Variants in OR11G2 observed in about 807,000 individuals in gnomAD.
OR11G2 encodes olfactory receptor 11G2.
OR11G2 carries 2 observed loss-of-function variants against 0.9 expected under a neutral mutation model. The observed-to-expected ratio is 2.35, with a 90% CI of 0.96 to 7.38. OR11G2 has a LOEUF of 7.38. Among genes scored for constraint, OR11G2 ranks in the 30% most tolerant of loss-of-function variants. The probability of loss-of-function intolerance (pLI) is 0.05; values close to 1 mark genes in which losing one functional copy is unlikely to be tolerated. For synonymous variants in OR11G2, 153 were observed against 142.0 expected (o/e 1.08, Z -0.55); for missense variants, 395 against 371.3 (o/e 1.06, Z -0.52).
rs776200418 is a variant in OR11G2, at chr14:20,197,622, C to T, written c.185C>T (p.Pro62Leu). 19 of 1,614,156 alleles carry T rather than the reference C, an allele frequency of 1.2e-5. No individual in the cohort carries two copies. The East Asian group carries it at 4.0e-4, about 34-fold the overall frequency. The change falls in exon 2 of 2, where the codon CCC becomes CTC. Residue 62 changes from proline to leucine, a missense_variant. Transcript: ENST00000641879. ...AVHWDQRLHA[P>L]MYILLANFSF... The stretch of plus-strand genomic sequence containing the variant: ...CACTGGGATCAGAGACTCCACGCCC[C>T]CATGTACATCCTGCTCGCCAACTTC...
rs1176713070 is a variant in OR11G2 at position 20,197,464 on chromosome 14, C to T, written c.27C>T (p.Asn9=). Residue 9 remains asparagine (N), a synonymous_variant, in exon 2 of 2, where the codon AAC becomes AAT. Coordinates refer to ENST00000641879, the MANE Select transcript of OR11G2 (RefSeq NM_001386033.1). ...TGAAAATCTTCAACAGCCCCAGCAACTCCAGCACCTTCACTGGCTTCATCC... is the reference window on the plus strand; with the variant it reads ...TGAAAATCTTCAACAGCCCCAGCAATTCCAGCACCTTCACTGGCTTCATCC... The part of the protein sequence containing the change: MKIFNSPS[N]SSTFTGFILL... The T allele has an allele frequency of 3.7e-6, 6 of 1,613,902 alleles. No individual in the cohort carries two copies. The Admixed American group carries it at 1.0e-4, about 27-fold the overall frequency.
Position 20,199,669 on chromosome 14 carries a change from T to G in OR11G2, c.*1296T>G, listed in dbSNP as rs1442140100. 6.6e-6 allele frequency: 1 copy of G among 152,250 alleles called. No homozygotes were observed. The highest frequency in any genetic ancestry group is 1.5e-5 in the Non-Finnish European group (1 of 68,054). The allele number at this position is 152,250 out of a possible 1,614,324, so 9.4% of individuals were successfully genotyped here. A position where few individuals can be genotyped will look rare whatever the true frequency, so the allele number is the denominator to read the frequency against. On this transcript the variant is annotated 3_prime_UTR_variant, in exon 2 of 2. Coordinates refer to ENST00000641879, the MANE Select transcript of OR11G2 (RefSeq NM_001386033.1). The stretch of plus-strand genomic sequence containing the variant: ...TTTTCAGTCATGACCAGAAAGTTTT[T>G]TCTATTCTATCTAGATTCCATACAT...
rs899238522 is a variant in OR11G2 at position 20,199,884 on chromosome 14, T to C, written c.*1511T>C. The C allele has an allele frequency of 6.6e-6, 1 of 151,852 alleles. No homozygotes were observed. Among genetic ancestry groups the C allele is most frequent in the Admixed American group, 6.6e-5 (1 of 15,256 alleles). 9.4% of individuals were successfully genotyped at this position (151,852 alleles called of 1,614,324 possible). A position where few individuals can be genotyped will look rare whatever the true frequency, so the allele number is the denominator to read the frequency against. On this transcript the variant is annotated 3_prime_UTR_variant, in exon 2 of 2. Transcript: ENST00000641879. ...TCCCCTGCAGGAAGCAGGGGAAAGG[T>C]TACCTATGGTAAAATAAATGATAAA...
chr14:20,197,472 C>G lies in OR11G2; in HGVS notation c.35C>G (p.Thr12Ser). The change falls in exon 2 of 2, where the codon ACC becomes AGC. Residue 12 changes from threonine (T) to serine (S), a missense_variant. Physicochemically the swap from Thr to Ser is moderately conservative, Grantham distance 58. Transcript: ENST00000641879. The part of the protein sequence containing the change: ...KIFNSPSNSS[T>S]FTGFILLGFP... ...TTCAACAGCCCCAGCAACTCCAGCA[C>G]CTTCACTGGCTTCATCCTCCTGGGC... 1 of 1,614,046 alleles carries G rather than the reference C, an allele frequency of 6.2e-7. No individual in the cohort carries two copies. The highest frequency in any genetic ancestry group is 1.7e-5 in the Admixed American group (1 of 60,026).
chr14:20,194,812 C>T (rs1427006957), intron 1 of OR11G2, among the ~76,000 whole-genome samples: 1 of 152,060 alleles, frequency 6.6e-6, no homozygotes, highest in Non-Finnish European at 1.5e-5. Context: ...GCTAAGGTAA[C>T]TTTTAAAACA....
In OR11G2 at chr14:20,200,174, A is replaced by T. The variant is rs975534565; in HGVS notation, c.*1801A>T. ...TTAATTCCAAAAAAAAAAAAAAAAA[A>T]AGTTCCTATCCACCACCCTTTTAAC... On this transcript the variant is annotated 3_prime_UTR_variant, in exon 2 of 2. Transcript: ENST00000641879. 11 of 151,422 alleles carry T rather than the reference A, an allele frequency of 7.3e-5. No individual in the cohort carries two copies. The highest frequency in any genetic ancestry group is 2.7e-4 in the African/African-American group (11 of 41,238). 9.4% of individuals were successfully genotyped at this position (151,422 alleles called of 1,614,324 possible). A position where few individuals can be genotyped will look rare whatever the true frequency, so the allele number is the denominator to read the frequency against.
rs1355765057 is a variant in OR11G2 at position 20,198,911 on chromosome 14, T to C, written c.*538T>C. The stretch of plus-strand genomic sequence containing the variant: ...CTGGTGGGCATTGTATTTTAAAAAC[T>C]ATAAAGACAATATATGCAGTAATGA... On this transcript the variant is annotated 3_prime_UTR_variant, in exon 2 of 2. Transcript: ENST00000641879. 6.6e-6 allele frequency: 1 copy of C among 152,478 alleles called. No homozygotes were observed. The highest frequency in any genetic ancestry group is 2.4e-5 in the African/African-American group (1 of 41,458). The allele number at this position is 152,478 out of a possible 1,614,324, so 9.4% of individuals were successfully genotyped here. A position where few individuals can be genotyped will look rare whatever the true frequency, so the allele number is the denominator to read the frequency against.
chr14:20,197,395 C>T, intron 1 of OR11G2, 39 bp from the exon 2 acceptor site: 1 of 1,609,984 alleles, frequency 6.2e-7, no homozygotes, highest in African/African-American at 1.3e-5. Context: ...TATGTTTGCA[C>T]CGTCATTCAG....
rs2139112918 is a variant in OR11G2, at chr14:20,197,563, C to A, written c.126C>A (p.Thr42=). Residue 42 remains threonine (T), a synonymous_variant, in exon 2 of 2, where the codon ACC becomes ACA. Transcript: ENST00000641879. Reference sequence around the variant, plus strand: ...TCTTCACTGTTGTTTACCTCCTGACCCTCATGGGCAATGGTTCCATCATCT... The same window carrying A: ...TCTTCACTGTTGTTTACCTCCTGACACTCATGGGCAATGGTTCCATCATCT... ...FVLFTVVYLL[T]LMGNGSIICA... 1 of 1,614,104 alleles carries A rather than the reference C, an allele frequency of 6.2e-7. No individual in the cohort carries two copies. The highest frequency in any genetic ancestry group is 1.7e-5 in the Admixed American group (1 of 60,018).
rs1011222328 is a variant in OR11G2 at position 20,199,563 on chromosome 14, C to G, written c.*1190C>G. On this transcript the variant is annotated 3_prime_UTR_variant, in exon 2 of 2. Transcript: ENST00000641879. The stretch of plus-strand genomic sequence containing the variant: ...TGAAGGCTTGCCTATGTCAGTTGCT[C>G]TGAGTGCCTTCAAATGGTTGTTTTA... The G allele has an allele frequency of 6.6e-6, 1 of 152,206 alleles. No individual in the cohort carries two copies. Among genetic ancestry groups the G allele is most frequent in the Admixed American group, 6.5e-5 (1 of 15,280 alleles). 9.4% of individuals were successfully genotyped at this position (152,206 alleles called of 1,614,324 possible).
At position 20,197,885 on chromosome 14, in the gene OR11G2, G is replaced by A; in HGVS notation, c.448G>A (p.Val150Ile). Residue 150 changes from valine to isoleucine, a missense_variant, in exon 2 of 2, where the codon GTC becomes ATC. Val to Ile is a conservative substitution (Grantham distance 29). Coordinates refer to ENST00000641879, the MANE Select transcript of OR11G2 (RefSeq NM_001386033.1). ...MTRRLCTNLV[V>I]NCWVLGFIWF... ...CAGACGTCTCTGTACCAATCTTGTGGTCAATTGCTGGGTACTTGGTTTCAT... is the reference window on the plus strand; with the variant it reads ...CAGACGTCTCTGTACCAATCTTGTGATCAATTGCTGGGTACTTGGTTTCAT... 6.2e-7 allele frequency: 1 copy of A among 1,614,140 alleles called. No individual in the cohort carries two copies. Among genetic ancestry groups the A allele is most frequent in the Non-Finnish European group, 8.5e-7 (1 of 1,180,032 alleles).
rs141922808 is a variant in OR11G2 at position 20,191,500 on chromosome 14, G to C, written c.-171G>C. On this transcript the variant is annotated 5_prime_UTR_variant, in exon 1 of 2. Coordinates refer to ENST00000641879, the MANE Select transcript of OR11G2 (RefSeq NM_001386033.1). ...TGGAAAGTTAATTGACCCAATCCAAGCATCCTGTACAGCATCCACAGCTTT... is the reference window on the plus strand; with the variant it reads ...TGGAAAGTTAATTGACCCAATCCAACCATCCTGTACAGCATCCACAGCTTT... 6.6e-6 allele frequency: 1 copy of C among 152,314 alleles called. No homozygotes were observed. The highest frequency in any genetic ancestry group is 2.4e-5 in the African/African-American group (1 of 41,552). 9.4% of individuals were successfully genotyped at this position (152,314 alleles called of 1,614,324 possible).
At position 20,193,753 on chromosome 14, in the gene OR11G2, G is replaced by A. The variant is rs147561747; in HGVS notation, c.-5+2087G>A. ...CATTTGCAGTACACAGCAGAGCTGA[G>A]TAGTTTTGACAGAGACTATAGAGCC... is the stretch of plus-strand genomic sequence containing the variant. On this transcript the variant is annotated intron_variant, in intron 1 of 1. Transcript: ENST00000641879. Among the ~76,000 whole-genome samples the A allele has an allele frequency of 2.0e-5, 3 of 152,332 alleles. No homozygotes were observed. In the East Asian group the frequency reaches 5.8e-4, roughly 29 times the overall value.
At chr14:20,197,330 A>G in intron 1 of OR11G2, 104 bp from the exon 2 acceptor site, 2 of 1,446,834 alleles carry the variant, frequency 1.4e-6, no homozygotes, top group Non-Finnish European at 1.9e-6. Context: ...TTTCAATAGT[A>G]AATTTATGCA....
Position 20,197,730 on chromosome 14 carries a change from T to C in OR11G2, c.293T>C (p.Phe98Ser). 2 of 1,613,938 alleles carry C rather than the reference T, an allele frequency of 1.2e-6. No homozygotes were observed. The highest frequency in any genetic ancestry group is 1.1e-5 in the South Asian group (1 of 91,078). ...NFLSDTKIIS[F>S]SGCFLQFYFF... is the part of the protein sequence containing the mutation. ...CTCTCTGACACCAAGATCATCTCGT[T>C]CTCTGGCTGCTTCCTCCAGTTCTAC... Residue 98 changes from phenylalanine (F) to serine (S), a missense_variant, in exon 2 of 2, where the codon TTC becomes TCC. Phe to Ser is a radical substitution (Grantham distance 155). Transcript: ENST00000641879.
In OR11G2 at chr14:20,197,976, A is replaced by G; in HGVS notation, c.539A>G (p.His180Arg). The G allele has an allele frequency of 1.9e-6, 3 of 1,613,384 alleles. No individual in the cohort carries two copies. The highest frequency in any genetic ancestry group is 2.5e-6 in the Non-Finnish European group (3 of 1,179,932). The change falls in exon 2 of 2, where the codon CAC becomes CGC. Residue 180 changes from histidine to arginine, a missense_variant. His to Arg is a conservative substitution (Grantham distance 29). Transcript: ENST00000641879. Reference protein sequence around the residue: ...MSFCGSRIIDHFLCDPAPLLT... With the variant: ...MSFCGSRIIDRFLCDPAPLLT... ...TTCTGTGGATCTAGGATTATTGACC[A>G]CTTCCTATGTGACCCAGCTCCTCTT...
intron 1 of OR11G2, among the ~76,000 whole-genome samples, chr14:20,193,943 C>T (rs1380793008): frequency 6.6e-6 from 1 of 152,092 alleles, no homozygotes; most frequent in Admixed American, 6.6e-5. Flanking sequence ...CTCTGTTACC[C>T]TCTGCTTGCG....
rs976148303 is a variant in OR11G2 at position 20,198,590 on chromosome 14, G to A, written c.*217G>A. 20 of 305,376 alleles carry A rather than the reference G, an allele frequency of 6.5e-5. No individual in the cohort carries two copies. Among genetic ancestry groups the A allele is most frequent in the African/African-American group, 3.3e-4 (15 of 46,102 alleles). 18.9% of individuals were successfully genotyped at this position (305,376 alleles called of 1,614,324 possible). On this transcript the variant is annotated 3_prime_UTR_variant, in exon 2 of 2. Transcript: ENST00000641879. ...AAAAAATACAAAAAATTAGCCGGGC[G>A]TGGTGGCGGACGCCTGTAGTCCCAG... is the stretch of plus-strand genomic sequence containing the variant.
At chr14:20,192,299 C>T (rs1260931134) in intron 1 of OR11G2, among the ~76,000 whole-genome samples, 9 of 152,098 alleles carry the variant, frequency 5.9e-5, no homozygotes, top group Non-Finnish European at 1.3e-4. Flanking sequence ...AATAGTATTT[C>T]ATAATGAAAA....
Sources: allele counts gnomAD v4.1 joint callset (sites outside exome capture counted in the v4.1 genomes callset), GRCh38; gene constraint gnomAD v4.1.1; transcripts MANE v1.5; gene names NCBI Gene and HGNC (gene_info 2026-07-23, HGNC 2026-07-21).